FAM13B: variants seen among roughly 807,000 people sequenced by gnomAD.
FAM13B encodes the protein protein FAM13B.
Under a neutral mutation model 117.3 loss-of-function variants are expected in FAM13B, and 60 were observed. That is an observed-to-expected ratio of 0.51 (90% CI 0.42 to 0.63). The LOEUF is 0.63. Ranked by LOEUF, FAM13B falls within the 30% of genes least tolerant of loss-of-function variation. The pLI is 0.00. For synonymous variants in FAM13B, 332 were observed against 356.1 expected (o/e 0.93, Z 0.76); for missense variants, 972 against 1,091.9 (o/e 0.89, Z 1.55).
At chr5:137,962,524 G>A (rs1768440481) in intron 10 of FAM13B, 55 bp from the exon 11 acceptor site, 3 of 1,510,120 alleles carry the variant, frequency 2.0e-6, no homozygotes, top group Admixed American at 1.9e-5. Flanking sequence ...TCAGATAAGA[G>A]AAGTTGCCAA....
At chr5:137,972,993 T>C (rs974522483) in intron 10 of FAM13B, among the ~76,000 whole-genome samples, 16 of 152,056 alleles carry the variant, frequency 1.1e-4, no homozygotes, top group Admixed American at 4.6e-4. Context: ...TCCATGCTCA[T>C]GGGTAGGAAG....
In FAM13B at chr5:137,948,949, G is replaced by A; in HGVS notation, c.2160+6C>T. On this transcript the variant is annotated splice_donor_region_variant and intron_variant, in intron 18 of 23. Coordinates refer to ENST00000689681, the MANE Select transcript of FAM13B (RefSeq NM_001385994.1). ...AATCTGGGCAAAAATCATAGCTCAA[G>A]ATTACCTTGATATCTTCTGGAAGAC... 2.5e-6 allele frequency: 4 copies of A among 1,608,218 alleles called. No homozygotes were observed. Among genetic ancestry groups the A allele is most frequent in the Middle Eastern group, 3.3e-4 (2 of 6,038 alleles).
At chr5:138,027,081 G>A (rs1462887270) in intron 1 of FAM13B, among the ~76,000 whole-genome samples, 1 of 152,106 alleles carries the variant, frequency 6.6e-6, no homozygotes, top group African/African-American at 2.4e-5. Flanking sequence ...GCTGTAGCGA[G>A]CTGTGACTGC....
intron 10 of FAM13B, among the ~76,000 whole-genome samples, chr5:137,965,373 C>G (rs897086673): frequency 5.9e-5 from 9 of 152,100 alleles, no homozygotes; most frequent in African/African-American, 2.2e-4. Flanking sequence ...GCAGATACAG[C>G]ACAGTCATAT....
Position 137,969,020 on chromosome 5 carries a change from G to A in FAM13B, c.1180-6551C>T, listed in dbSNP as rs191312138. ...TCTGAGATCAAACTGCAAGGCGGCAGCGAGGCTGGGGGAAGGGTGCCCGCC... is the reference window on the plus strand; with the variant it reads ...TCTGAGATCAAACTGCAAGGCGGCAACGAGGCTGGGGGAAGGGTGCCCGCC... On this transcript the variant is annotated intron_variant, in intron 10 of 23. Coordinates refer to ENST00000689681, the MANE Select transcript of FAM13B (RefSeq NM_001385994.1). 9.7e-4 allele frequency among the ~76,000 whole-genome samples: 148 copies of A among 152,328 alleles called. 2 individuals are homozygous for A. The East Asian group carries it at 0.017, about 18-fold the overall frequency.
intron 1 of FAM13B, among the ~76,000 whole-genome samples, chr5:138,041,980 G>C (rs532233903): frequency 1.3e-5 from 2 of 152,036 alleles, no homozygotes; most frequent in East Asian, 3.9e-4. Flanking sequence ...AGGATTTTTT[G>C]AGCCCGGAAG....
chr5:138,014,566 CA>C (rs1284975822), intron 4 of FAM13B, among the ~76,000 whole-genome samples: 2 of 152,340 alleles, frequency 1.3e-5, no homozygotes, highest in South Asian at 4.1e-4. Context: ...TCCCTGGTGT[CA>C]AAAAGGTTGG....
At chr5:137,954,536 GTGTATATA>G (rs763687145) in intron 14 of FAM13B, 160 bp from the exon 15 acceptor site, 6 of 355,022 alleles carry the variant, frequency 1.7e-5, no homozygotes, top group African/African-American at 4.3e-5. Context: ...ACATGTGTGT[GTGTATATA>G]TATATATATA....
At position 138,008,716 on chromosome 5, in the gene FAM13B, C is replaced by T. The variant is rs960013337; in HGVS notation, c.691-1569G>A. On this transcript the variant is annotated intron_variant, in intron 6 of 23. Transcript: ENST00000689681. The stretch of plus-strand genomic sequence containing the variant: ...TGTCATTTCTTTAATAGCATAGATC[C>T]TAGCTTCTACATGTAACATCACTTT... Among the ~76,000 whole-genome samples the T allele has an allele frequency of 7.9e-5, 12 of 152,292 alleles. No individual in the cohort carries two copies. In the East Asian group the frequency reaches 2.3e-3, roughly 29 times the overall value.
chr5:137,969,741 T>A (rs1428229496), intron 10 of FAM13B, among the ~76,000 whole-genome samples: 1 of 151,844 alleles, frequency 6.6e-6, no homozygotes, highest in Non-Finnish European at 1.5e-5. Flanking sequence ...ATAACTAGAA[T>A]AACCAATACA....
chr5:138,036,811 G>A (rs1461185473), upstream of FAM13B: 11 of 344,782 alleles, frequency 3.2e-5, no homozygotes, highest in South Asian at 1.6e-4. Flanking sequence ...TCTCAACTGC[G>A]ACAATTTTGG....
intron 7 of FAM13B, among the ~76,000 whole-genome samples, chr5:137,996,636 A>G (rs72801648): frequency 0.18 from 26,953 of 151,954 alleles, 2,504 homozygotes; most frequent in African/African-American, 0.21. Context: ...CCTGTCGCCC[A>G]GACTGGAGTG....
Position 138,006,979 on chromosome 5 carries a change from T to G in FAM13B, c.848+11A>C. 6.3e-7 allele frequency: 1 copy of G among 1,590,952 alleles called. No individual in the cohort carries two copies. The highest frequency in any genetic ancestry group is 8.5e-7 in the Non-Finnish European group (1 of 1,172,710). On this transcript the variant is annotated intron_variant, in intron 7 of 23. Coordinates refer to ENST00000689681, the MANE Select transcript of FAM13B (RefSeq NM_001385994.1). The stretch of plus-strand genomic sequence containing the variant: ...ACTCAAAAGCTAAAGTTCATTCAAC[T>G]GAGCTATTACCTTGTTGCCGTAACA...
intron 4 of FAM13B, 79 bp from the exon 5 acceptor site, chr5:138,012,024 C>T (rs1784146224): frequency 2.2e-6 from 2 of 899,592 alleles, no homozygotes; most frequent in East Asian, 2.9e-5. Flanking sequence ...CACATTACTC[C>T]ACCCACATCA....
At chr5:137,971,702 GAT>G (rs2150400509) in intron 10 of FAM13B, among the ~76,000 whole-genome samples, 1 of 150,344 alleles carries the variant, frequency 6.7e-6, no homozygotes, top group East Asian at 2.0e-4. Flanking sequence ...CAACAAAATT[GAT>G]AGACCGCTAG....
At chr5:138,050,203 C>T (rs1379948770) in intron 1 of FAM13B, among the ~76,000 whole-genome samples, 1 of 151,914 alleles carries the variant, frequency 6.6e-6, no homozygotes, top group African/African-American at 2.4e-5. Flanking sequence ...TTTGAGAGGC[C>T]GAGGCAGGCA....
intron 13 of FAM13B, among the ~76,000 whole-genome samples, chr5:137,957,540 CAAAAAAA>C (rs35104775): frequency 2.5e-4 from 14 of 55,420 alleles, no homozygotes; most frequent in South Asian, 2.0e-3. Flanking sequence ...AACTCCGTCT[CAAAAAAA>C]AAAAAAAAAA....
At chr5:137,970,724 G>T (rs1005760319) in intron 10 of FAM13B, among the ~76,000 whole-genome samples, 5 of 151,998 alleles carry the variant, frequency 3.3e-5, no homozygotes, top group African/African-American at 7.3e-5. Flanking sequence ...CCATCTCACG[G>T]GCAAAGACAC....
intron 7 of FAM13B, among the ~76,000 whole-genome samples, chr5:137,989,822 C>CA (rs879591175): frequency 2.0e-5 from 3 of 150,768 alleles, no homozygotes; most frequent in Non-Finnish European, 3.0e-5. Flanking sequence ...CACCCTGTCT[C>CA]AAAAAAAAGA....
Sources: gnomAD v4.1 joint callset for allele counts (sites outside exome capture counted in the v4.1 genomes callset) on GRCh38, gnomAD v4.1.1 for gene constraint, MANE v1.5 for transcripts, NCBI Gene and HGNC (gene_info 2026-07-23, HGNC 2026-07-21) for gene names.